Variants in IGSF11 observed in about 807,000 individuals in gnomAD.
The protein encoded by IGSF11 is immunoglobulin superfamily member 11, also known as CXADR like 1.
Under a neutral mutation model 41.0 loss-of-function variants are expected in IGSF11, and 22 were observed. The ratio of observed to expected loss-of-function variants is 0.54; its 90% CI spans 0.38 to 0.77. The LOEUF is 0.77. IGSF11 is among the 30% of genes least tolerant of loss of function. The probability of loss-of-function intolerance (pLI) is 0.00; values close to 1 mark genes in which losing one functional copy is unlikely to be tolerated. For missense variants in IGSF11, 444 were observed against 530.8 expected (o/e 0.84, Z 1.61); for synonymous variants, 219 against 201.3 (o/e 1.09, Z -0.74).
intron 1 of IGSF11, among the ~76,000 whole-genome samples, chr3:119,111,399 T>C (rs2077156638): frequency 1.3e-5 from 2 of 152,258 alleles, no homozygotes; most frequent in African/African-American, 2.4e-5. Flanking sequence ...CTGAGGCTTC[T>C]GCATTCTTCA....
chr3:119,085,980 T>G (rs2076665004), intron 1 of IGSF11, among the ~76,000 whole-genome samples: 1 of 151,928 alleles, frequency 6.6e-6, no homozygotes, highest in Non-Finnish European at 1.5e-5. Flanking sequence ...TGTTACAGAG[T>G]TTTTGTGAGT....
At chr3:119,075,363 G>A (rs1219304765) in intron 1 of IGSF11, among the ~76,000 whole-genome samples, 1 of 151,980 alleles carries the variant, frequency 6.6e-6, no homozygotes, top group Non-Finnish European at 1.5e-5. Context: ...AAAAATGCTG[G>A]ACCAGATATA....
chr3:119,092,033 G>A (rs1232782456), intron 1 of IGSF11, among the ~76,000 whole-genome samples: 2 of 149,626 alleles, frequency 1.3e-5, no homozygotes, highest in Non-Finnish European at 1.5e-5. Flanking sequence ...TGTTTTTGAG[G>A]CACAGTCTCA....
chr3:118,995,932 G>A (rs1420217876), intron 1 of IGSF11, among the ~76,000 whole-genome samples: 2 of 152,174 alleles, frequency 1.3e-5, no homozygotes, highest in South Asian at 2.1e-4. Context: ...ACAGGCGTGA[G>A]CCACTGCACC....
chr3:119,128,343 GAGAA>G (rs760557582), intron 1 of IGSF11, among the ~76,000 whole-genome samples: 6 of 128,840 alleles, frequency 4.7e-5, no homozygotes, highest in Non-Finnish European at 8.2e-5. Context: ...GGGTGAGAGT[GAGAA>G]AGAAAGAAAG....
intron 1 of IGSF11, among the ~76,000 whole-genome samples, chr3:119,091,251 G>T (rs2076756377): frequency 6.6e-6 from 1 of 152,192 alleles, no homozygotes; most frequent in Non-Finnish European, 1.5e-5. Flanking sequence ...CTACTTTGTT[G>T]ATAGGAATGT....
At chr3:119,050,239 C>T (rs1941560419) in intron 1 of IGSF11, among the ~76,000 whole-genome samples, 1 of 152,010 alleles carries the variant, frequency 6.6e-6, no homozygotes, top group Admixed American at 6.6e-5. Flanking sequence ...AAAATTTTCG[C>T]AACCTACTCA....
intron 1 of IGSF11, among the ~76,000 whole-genome samples, chr3:118,935,951 G>A (rs1210244970): frequency 1.3e-5 from 2 of 152,140 alleles, no homozygotes; most frequent in Non-Finnish European, 2.9e-5. Flanking sequence ...GTATGCAGAA[G>A]ACGAAATTAA....
chr3:118,996,284 C>G (rs947664659), intron 1 of IGSF11, among the ~76,000 whole-genome samples: 2 of 152,194 alleles, frequency 1.3e-5, no homozygotes, highest in Non-Finnish European at 2.9e-5. Flanking sequence ...GTGCTTGAGA[C>G]AGAAGCCTCA....
At chr3:118,961,431 A>T (rs1037611171) in intron 1 of IGSF11, among the ~76,000 whole-genome samples, 1 of 152,218 alleles carries the variant, frequency 6.6e-6, no homozygotes. Flanking sequence ...TTTCCTATAT[A>T]AAAATTATAC....
At chr3:119,092,410 A>T (rs1032395011) in intron 1 of IGSF11, among the ~76,000 whole-genome samples, 2 of 152,098 alleles carry the variant, frequency 1.3e-5, no homozygotes, top group Middle Eastern at 3.4e-3. Context: ...ATTTTGGCTC[A>T]CTGCAACCTC....
intron 1 of IGSF11, among the ~76,000 whole-genome samples, chr3:119,019,518 T>G (rs143092480): frequency 6.6e-6 from 1 of 151,680 alleles, no homozygotes; most frequent in Non-Finnish European, 1.5e-5. Flanking sequence ...GAGAAACTCT[T>G]GGTCTTTCAG....
At chr3:119,040,768 G>A (rs114378250) in intron 1 of IGSF11, among the ~76,000 whole-genome samples, 190 of 152,240 alleles carry the variant, frequency 1.2e-3, no homozygotes, top group Middle Eastern at 6.8e-3. Flanking sequence ...ATGAATCAAT[G>A]AATGAAGCAA....
At chr3:119,110,146 G>C (rs532333505), upstream of IGSF11, among the ~76,000 whole-genome samples, 159 of 152,212 alleles carry the variant, frequency 1.0e-3, no homozygotes, top group African/African-American at 3.8e-3. Context: ...GGGTATCCTT[G>C]TCAACTTTCT....
At chr3:119,143,633 G>A (rs1440504816) in intron 1 of IGSF11, among the ~76,000 whole-genome samples, 10 of 152,258 alleles carry the variant, frequency 6.6e-5, no homozygotes, top group Non-Finnish European at 1.5e-5. Flanking sequence ...TACTTTAAAT[G>A]TAGATGGATT....
chr3:118,912,225 A>C (rs1256712403), intron 4 of IGSF11, among the ~76,000 whole-genome samples: 1 of 152,182 alleles, frequency 6.6e-6, no homozygotes, highest in East Asian at 1.9e-4. Context: ...TTAAGTCAGA[A>C]GGGAGGTGTT....
intron 1 of IGSF11, among the ~76,000 whole-genome samples, chr3:119,041,627 A>C (rs891830420): frequency 6.6e-6 from 1 of 152,192 alleles, no homozygotes; most frequent in Admixed American, 6.5e-5. Context: ...ACATTACTAC[A>C]TATGCTGCAG....
intron 1 of IGSF11, among the ~76,000 whole-genome samples, chr3:119,128,452 C>T (rs2077434144): frequency 6.6e-6 from 1 of 152,036 alleles, no homozygotes; most frequent in African/African-American, 2.4e-5. Flanking sequence ...TTAAAAGACA[C>T]AGACTGGCAA....
chr3:118,951,298 C>T (rs1224170152), intron 1 of IGSF11, among the ~76,000 whole-genome samples: 1 of 152,098 alleles, frequency 6.6e-6, no homozygotes, highest in Non-Finnish European at 1.5e-5. Flanking sequence ...ATTCATAGAC[C>T]AAAGCTGGCT....
Sources: gnomAD v4.1 joint callset for allele counts (sites outside exome capture counted in the v4.1 genomes callset) on GRCh38, gnomAD v4.1.1 for gene constraint, MANE v1.5 for transcripts, NCBI Gene and HGNC (gene_info 2026-07-23, HGNC 2026-07-21) for gene names.